THSD4: variants seen among roughly 807,000 people sequenced by gnomAD.
THSD4 encodes thrombospondin type 1 domain containing 4.
Under a neutral mutation model 119.0 loss-of-function variants are expected in THSD4, and 69 were observed. The observed-to-expected ratio is 0.58, with a 90% CI of 0.48 to 0.71. The LOEUF (loss-of-function observed/expected upper bound fraction) is 0.71, where lower values mean the gene tolerates loss of function less well. Among genes scored for constraint, THSD4 ranks in the 30% least tolerant of loss-of-function variants. The pLI, the probability that THSD4 is intolerant of heterozygous loss-of-function variation, is 0.00. For missense variants in THSD4, 1,393 were observed against 1,391.1 expected, an observed-to-expected ratio of 1.00 and a Z score of -0.02; for synonymous variants, 524 against 540.4, an observed-to-expected ratio of 0.97 and a Z score of 0.42.
intron 6 of THSD4, among the ~76,000 whole-genome samples, chr15:71,303,327 AG>A (rs1456515785): frequency 6.6e-6 from 1 of 152,266 alleles, no homozygotes; most frequent in Admixed American, 6.5e-5. Flanking sequence ...CCTGGTCAGG[AG>A]GGGGGCAGTC....
intron 7 of THSD4, among the ~76,000 whole-genome samples, chr15:71,523,407 A>G (rs2048471364): frequency 1.3e-5 from 2 of 152,122 alleles, no homozygotes; most frequent in South Asian, 2.1e-4. Flanking sequence ...GACACATGCC[A>G]TTGGATTTAG....
At chr15:71,107,484 C>T (rs1596201541) in intron 1 of THSD4, among the ~76,000 whole-genome samples, 1 of 151,518 alleles carries the variant, frequency 6.6e-6, no homozygotes, top group South Asian at 2.1e-4. Context: ...GAAAAAGAAA[C>T]CAAGCCTTTT....
intron 14 of THSD4, among the ~76,000 whole-genome samples, chr15:71,755,925 G>C (rs2053531060): frequency 6.6e-6 from 1 of 152,142 alleles, no homozygotes; most frequent in South Asian, 2.1e-4. Context: ...ATTCTGGGTG[G>C]AGGGAATGAC....
At chr15:71,642,500 C>T (rs980239897) in intron 7 of THSD4, among the ~76,000 whole-genome samples, 3 of 152,008 alleles carry the variant, frequency 2.0e-5, no homozygotes, top group Admixed American at 6.6e-5. Context: ...CACATGCACA[C>T]GTATGTTTAT....
At chr15:71,699,327 C>G (rs1172937146) in intron 8 of THSD4, among the ~76,000 whole-genome samples, 1 of 81,602 alleles carries the variant, frequency 1.2e-5, no homozygotes, top group Non-Finnish European at 2.3e-5. Flanking sequence ...ATTCTCCTGC[C>G]TCAGCCTCCC....
chr15:71,339,122 T>G (rs540473596), intron 6 of THSD4, among the ~76,000 whole-genome samples: 2 of 152,240 alleles, frequency 1.3e-5, no homozygotes, highest in African/African-American at 4.8e-5. Flanking sequence ...GTTAGCTTTG[T>G]GTTCTGCCCT....
intron 1 of THSD4, among the ~76,000 whole-genome samples, chr15:71,122,192 G>A (rs368721142): frequency 1.8e-4 from 27 of 152,206 alleles, no homozygotes; most frequent in African/African-American, 6.0e-4. Flanking sequence ...TCAGCTAAGC[G>A]GGGAGGAGCT....
intron 3 of THSD4, among the ~76,000 whole-genome samples, chr15:71,162,913 T>C (rs1249603562): frequency 1.3e-5 from 2 of 151,998 alleles, no homozygotes; most frequent in Admixed American, 1.3e-4. Flanking sequence ...TGGTCTGTTG[T>C]TGAAGCTCTT....
At chr15:71,163,391 C>G (rs2043264286) in intron 3 of THSD4, among the ~76,000 whole-genome samples, 1 of 151,878 alleles carries the variant, frequency 6.6e-6, no homozygotes, top group Non-Finnish European at 1.5e-5. Flanking sequence ...AAACAGCACT[C>G]CATCACAAAA....
intron 14 of THSD4, among the ~76,000 whole-genome samples, chr15:71,755,183 A>T (rs1376926283): frequency 1.3e-5 from 2 of 152,220 alleles, no homozygotes; most frequent in Non-Finnish European, 2.9e-5. Flanking sequence ...AATAATCAAC[A>T]TGCCAAAGCA....
chr15:71,308,021 G>C (rs141992854), intron 6 of THSD4, among the ~76,000 whole-genome samples: 2 of 152,184 alleles, frequency 1.3e-5, no homozygotes, highest in Non-Finnish European at 2.9e-5. Flanking sequence ...TTTTTACTGG[G>C]GCCAGTCATA....
intron 11 of THSD4, 58 bp from the exon 12 acceptor site, chr15:71,745,048 C>T (rs201225221): frequency 3.2e-6 from 5 of 1,566,206 alleles, no homozygotes; most frequent in African/African-American, 1.4e-5. Flanking sequence ...CATCTCCACC[C>T]ATAGCCCAGC....
chr15:71,339,047 A>G (rs911449841), intron 6 of THSD4, among the ~76,000 whole-genome samples: 2 of 152,156 alleles, frequency 1.3e-5, no homozygotes, highest in East Asian at 1.9e-4. Context: ...GCCACTGGCC[A>G]TCTCTGCGGC....
At chr15:71,733,036 G>A (rs1022206229) in intron 10 of THSD4, 1 of 152,260 alleles carries the variant, frequency 6.6e-6, no homozygotes, top group Non-Finnish European at 1.5e-5. Flanking sequence ...CACAGTTTGA[G>A]AAACCAAGTT....
intron 8 of THSD4, among the ~76,000 whole-genome samples, chr15:71,668,322 A>C (rs776776719): frequency 2.6e-5 from 4 of 152,146 alleles, no homozygotes; most frequent in Non-Finnish European, 5.9e-5. Context: ...GATTTTTGGA[A>C]GACAGAAAGC....
intron 6 of THSD4, among the ~76,000 whole-genome samples, chr15:71,272,264 G>T (rs2044539014): frequency 6.6e-6 from 1 of 151,726 alleles, no homozygotes; most frequent in African/African-American, 2.4e-5. Flanking sequence ...AGCCAGGTGT[G>T]GTGGCACGCA....
intron 1 of THSD4, among the ~76,000 whole-genome samples, chr15:71,104,146 C>A (rs779136207): frequency 1.1e-4 from 16 of 152,178 alleles, no homozygotes; most frequent in Non-Finnish European, 2.1e-4. Flanking sequence ...AATCATCAAT[C>A]ATTTGCTATG....
chr15:71,107,697 A>G (rs910731545), intron 1 of THSD4, among the ~76,000 whole-genome samples: 23 of 152,230 alleles, frequency 1.5e-4, no homozygotes, highest in African/African-American at 5.5e-4. Flanking sequence ...GTGACAACGG[A>G]AGAATGGCAA....
intron 1 of THSD4, among the ~76,000 whole-genome samples, chr15:71,122,124 C>T (rs1447336178): frequency 2.6e-5 from 4 of 152,056 alleles, no homozygotes; most frequent in African/African-American, 4.8e-5. Context: ...TTGACTTTAG[C>T]GATATTTTAG....
Sources: gnomAD v4.1 joint callset for allele counts (sites outside exome capture counted in the v4.1 genomes callset) on GRCh38, gnomAD v4.1.1 for gene constraint, MANE v1.5 for transcripts, NCBI Gene and HGNC (gene_info 2026-07-23, HGNC 2026-07-21) for gene names.